ATXN10: variants seen among roughly 807,000 people sequenced by gnomAD.
The protein encoded by ATXN10 is ataxin 10, also known as ataxin-10.
ATXN10 carries 28 observed loss-of-function variants against 52.9 expected under a neutral mutation model. That is an observed-to-expected ratio of 0.53 (90% CI 0.39 to 0.73). ATXN10 has a LOEUF of 0.73. Among genes scored for constraint, ATXN10 ranks in the 30% least tolerant of loss-of-function variants. The probability of loss-of-function intolerance (pLI) is 0.00; values close to 1 mark genes in which losing one functional copy is unlikely to be tolerated. For missense variants in ATXN10, 565 were observed against 577.0 expected, an observed-to-expected ratio of 0.98 and a Z score of 0.21; for synonymous variants, 226 against 221.5, an observed-to-expected ratio of 1.02 and a Z score of -0.18.
At chr22:45,749,735 T>A (rs9614771) in intron 9 of ATXN10, among the ~76,000 whole-genome samples, 94,567 of 151,620 alleles carry the variant, frequency 0.62, 30,964 homozygotes, top group East Asian at 0.76. Context: ...CTACTAAAAA[T>A]TTTTTTTTGG....
In ATXN10 at chr22:45,775,944, A is replaced by G. The variant is rs568943527; in HGVS notation, c.1174-31015A>G. Reference sequence around the variant, plus strand: ...AAGTGGAGCCACCATGGGCACCGACATCTGTGGCCACTCCACAGCCCATTG... The same window carrying G: ...AAGTGGAGCCACCATGGGCACCGACGTCTGTGGCCACTCCACAGCCCATTG... On this transcript the variant is annotated intron_variant, in intron 9 of 11. Transcript: ENST00000252934. This position sits in a 1 kb window ranked among gnomAD's most constrained non-coding sequence, Gnocchi z 4.7. Among the ~76,000 whole-genome samples the G allele has an allele frequency of 6.6e-6, 1 of 152,290 alleles. No individual in the cohort carries two copies. Among genetic ancestry groups the G allele is most frequent in the Admixed American group, 6.5e-5 (1 of 15,296 alleles).
intron 5 of ATXN10, among the ~76,000 whole-genome samples, chr22:45,706,233 T>C (rs971687141): frequency 1.3e-5 from 2 of 152,198 alleles, no homozygotes; most frequent in Non-Finnish European, 2.9e-5. Context: ...TTTTTTATTT[T>C]TGTAAGATTG....
chr22:45,788,349 C>G (rs953723379), intron 9 of ATXN10, among the ~76,000 whole-genome samples: 1 of 151,912 alleles, frequency 6.6e-6, no homozygotes, highest in African/African-American at 2.4e-5. Context: ...AATGATCCCA[C>G]CACACATCCA....
At chr22:45,799,909 A>T (rs942032872) in intron 9 of ATXN10, among the ~76,000 whole-genome samples, 4 of 152,206 alleles carry the variant, frequency 2.6e-5, no homozygotes, top group African/African-American at 9.7e-5. Flanking sequence ...TGGAGAAAAG[A>T]TATATTTTTC....
intron 9 of ATXN10, among the ~76,000 whole-genome samples, chr22:45,758,115 C>T (rs1926242039): frequency 1.3e-5 from 2 of 152,226 alleles, no homozygotes; most frequent in Admixed American, 6.5e-5. Flanking sequence ...GCCTCCACAC[C>T]CTGCCCCTGC....
intron 9 of ATXN10, among the ~76,000 whole-genome samples, chr22:45,799,289 A>C (rs530663645): frequency 6.6e-6 from 1 of 152,196 alleles, no homozygotes; most frequent in Non-Finnish European, 1.5e-5. Context: ...TTGAAAATGC[A>C]AAAGACCTAG....
intron 3 of ATXN10, among the ~76,000 whole-genome samples, chr22:45,697,061 A>G (rs1923635581): frequency 6.6e-6 from 1 of 152,194 alleles, no homozygotes; most frequent in Admixed American, 6.5e-5. Context: ...ATTGTTAACT[A>G]TTTTAAAGTG....
chr22:45,814,369 A>G (rs1928388376), intron 10 of ATXN10, among the ~76,000 whole-genome samples: 1 of 152,242 alleles, frequency 6.6e-6, no homozygotes, highest in Non-Finnish European at 1.5e-5. Flanking sequence ...TATGGAATGA[A>G]TTCAGCATCA....
At position 45,718,463 on chromosome 22, in the gene ATXN10, C is replaced by G; in HGVS notation, c.698C>G (p.Ala233Gly). The change falls in exon 6 of 12, where the codon GCC becomes GGC. Residue 233 changes from alanine to glycine, a missense_variant. Coordinates refer to ENST00000252934, the MANE Select transcript of ATXN10 (RefSeq NM_013236.4). The surrounding 1 kb of genome is among the most constrained non-coding windows in gnomAD (Gnocchi z 4.4). ...LFLKSPELVQ[A>G]MFPKLNNQER... ...CTGAAAAGCCCGGAATTGGTACAAG[C>G]CATGTTTCCCAAACTGAACAATCAA... 1 of 1,613,702 alleles carries G rather than the reference C, an allele frequency of 6.2e-7. No individual in the cohort carries two copies. The highest frequency in any genetic ancestry group is 8.5e-7 in the Non-Finnish European group (1 of 1,179,702).
chr22:45,814,747 G>A (rs1478171001), intron 10 of ATXN10, among the ~76,000 whole-genome samples: 1 of 152,206 alleles, frequency 6.6e-6, no homozygotes, highest in Non-Finnish European at 1.5e-5. Context: ...TCCGTCTCCG[G>A]TGAGATCAGC....
In ATXN10 at chr22:45,784,067, T is replaced by C. The variant is rs1369185903; in HGVS notation, c.1174-22892T>C. 1.3e-5 allele frequency among the ~76,000 whole-genome samples: 2 copies of C among 152,176 alleles called. No homozygotes were observed. Among genetic ancestry groups the C allele is most frequent in the Non-Finnish European group, 2.9e-5 (2 of 68,012 alleles). Reference sequence around the variant, plus strand: ...CTCCCTCTCCCCTTCTTAATCCTCATCACTCTTCATTTGCACACTTTGAGG... The same window carrying C: ...CTCCCTCTCCCCTTCTTAATCCTCACCACTCTTCATTTGCACACTTTGAGG... On this transcript the variant is annotated intron_variant, in intron 9 of 11. Coordinates refer to ENST00000252934, the MANE Select transcript of ATXN10 (RefSeq NM_013236.4). The surrounding 1 kb of genome is among the most constrained non-coding windows in gnomAD (Gnocchi z 4.2).
intron 9 of ATXN10, among the ~76,000 whole-genome samples, chr22:45,798,893 T>C (rs1300740541): frequency 3.3e-5 from 5 of 152,146 alleles, no homozygotes; most frequent in Non-Finnish European, 4.4e-5. Context: ...TCATAAAACA[T>C]GAAATATTTA....
Position 45,843,807 on chromosome 22 carries a change from G to A in ATXN10, c.*136G>A, listed in dbSNP as rs1164787277. 2 of 802,242 alleles carry A rather than the reference G, an allele frequency of 2.5e-6. No individual in the cohort carries two copies. The highest frequency in any genetic ancestry group is 2.7e-5 in the East Asian group (1 of 37,606). The allele number at this position is 802,242 out of a possible 1,614,324, so 49.7% of individuals were successfully genotyped here. On this transcript the variant is annotated 3_prime_UTR_variant, in exon 12 of 12. Coordinates refer to ENST00000252934, the MANE Select transcript of ATXN10 (RefSeq NM_013236.4). The surrounding 1 kb of genome is among the most constrained non-coding windows in gnomAD (Gnocchi z 4.5). ...ACATACAAATCTTTTAGGTAGTAGA[G>A]TTTAACGTGTATAAGCTAAAAGTGA...
At chr22:45,739,830 C>CT (rs1275761069) in intron 8 of ATXN10, among the ~76,000 whole-genome samples, 1 of 152,140 alleles carries the variant, frequency 6.6e-6, no homozygotes, top group Non-Finnish European at 1.5e-5. Context: ...CCTGGAGGTG[C>CT]TCATAGAGTA....
intron 9 of ATXN10, among the ~76,000 whole-genome samples, chr22:45,773,586 G>A (rs1479753165): frequency 1.3e-5 from 2 of 152,050 alleles, no homozygotes; most frequent in Non-Finnish European, 2.9e-5. Context: ...AGCCTCCTGA[G>A]TAACTGGGAT....
chr22:45,718,574 G>A lies in ATXN10; in HGVS notation c.728+81G>A. The A allele has an allele frequency of 8.0e-7, 1 of 1,246,504 alleles. No homozygotes were observed. Among genetic ancestry groups the A allele is most frequent in the Non-Finnish European group, 1.2e-6 (1 of 845,880 alleles). The allele number at this position is 1,246,504 out of a possible 1,614,324, so 77.2% of individuals were successfully genotyped here. A position where few individuals can be genotyped will look rare whatever the true frequency, so the allele number is the denominator to read the frequency against. ...ATGCACGTGACTGAAAAGCTGTGTG[G>A]TTTCTGAGTTGGCACAGAATCTCTA... On this transcript the variant is annotated intron_variant, in intron 6 of 11. Transcript: ENST00000252934. This position sits in a 1 kb window ranked among gnomAD's most constrained non-coding sequence, Gnocchi z 4.4.
At chr22:45,724,350 A>G (rs762674254) in intron 6 of ATXN10, among the ~76,000 whole-genome samples, 23 of 152,014 alleles carry the variant, frequency 1.5e-4, no homozygotes, top group Non-Finnish European at 2.6e-4. Context: ...TTGACTTTTT[A>G]ATAATGGCCA....
At position 45,677,347 on chromosome 22, in the gene ATXN10, ATTACTCAT is replaced by A. The variant is rs1922738088; in HGVS notation, c.116+5170_116+5177del. On this transcript the variant is annotated intron_variant, in intron 1 of 11. Transcript: ENST00000252934. The surrounding 1 kb of genome is among the most constrained non-coding windows in gnomAD (Gnocchi z 4.1). Reference sequence around the variant, plus strand: ...GGAGTTGCTGCTATTTCTATAACTTATTACTCATTGCACTTGCTTGGTCTTTTTCTTAG... The same window carrying A: ...GGAGTTGCTGCTATTTCTATAACTTATGCACTTGCTTGGTCTTTTTCTTAG... The A allele has an allele frequency of 6.6e-6, 1 of 151,994 alleles. No individual in the cohort carries two copies. 9.4% of individuals were successfully genotyped at this position (151,994 alleles called of 1,614,324 possible). A position where few individuals can be genotyped will look rare whatever the true frequency, so the allele number is the denominator to read the frequency against.
Position 45,718,295 on chromosome 22 carries a change from T to C in ATXN10, c.648-118T>C. 1 of 836,050 alleles carries C rather than the reference T, an allele frequency of 1.2e-6. No homozygotes were observed. Among genetic ancestry groups the C allele is most frequent in the Admixed American group, 1.8e-5 (1 of 56,878 alleles). 51.8% of individuals were successfully genotyped at this position (836,050 alleles called of 1,614,324 possible). On this transcript the variant is annotated intron_variant, in intron 5 of 11. Transcript: ENST00000252934. The surrounding 1 kb of genome is among the most constrained non-coding windows in gnomAD (Gnocchi z 4.4). ...TTAAGACATTTAAGATTACAGCAAA[T>C]CAAAAATTCACTGAAAAGAAATGCT...
Sources: gnomAD v4.1 joint callset for allele counts (sites outside exome capture counted in the v4.1 genomes callset) on GRCh38, gnomAD v4.1.1 for gene constraint, Gnocchi (gnomAD v3.1) non-coding constraint, MANE v1.5 for transcripts, NCBI Gene and HGNC (gene_info 2026-07-23, HGNC 2026-07-21) for gene names.